Variants in C4BPB observed in about 807,000 individuals in gnomAD.
C4BPB encodes C4b-binding protein beta chain.
C4BPB carries 19 observed loss-of-function variants against 26.6 expected under a neutral mutation model. That is an observed-to-expected ratio of 0.71 (90% confidence interval 0.50 to 1.05). C4BPB has a LOEUF of 1.05. Among genes scored for constraint, C4BPB ranks in the 50% least tolerant of loss-of-function variants. The probability of loss-of-function intolerance (pLI) is 0.00; values close to 1 mark genes in which losing one functional copy is unlikely to be tolerated. For missense variants in C4BPB, 282 were observed against 302.9 expected (o/e 0.93, Z 0.51); for synonymous variants, 118 against 103.5 (o/e 1.14, Z -0.85).
chr1:207,097,763 G>A lies in C4BPB; in HGVS notation c.504-387G>A, dbSNP rs915958380. On this transcript the variant is annotated intron_variant, in intron 5 of 6. Transcript: ENST00000367078. The stretch of plus-strand genomic sequence containing the variant: ...GCAATTGCTCCTTTTTAGCCCCTTC[G>A]CTAAGATTTATTTGCAGGTGTCTCT... 8.8e-5 allele frequency: 15 copies of A among 170,380 alleles called. No individual in the cohort carries two copies. The South Asian group carries it at 1.5e-3, about 17-fold the overall frequency. The allele number at this position is 170,380 out of a possible 1,614,324, so 10.6% of individuals were successfully genotyped here. A position where few individuals can be genotyped will look rare whatever the true frequency, so the allele number is the denominator to read the frequency against.
At chr1:207,098,328 G>A in intron 6 of C4BPB, 64 bp downstream of exon 6, 1 of 997,698 alleles carries the variant, frequency 1.0e-6, no homozygotes, top group Non-Finnish European at 1.6e-6. Flanking sequence ...CATCACTCCT[G>A]GCATATGCTC....
At position 207,090,021 on chromosome 1, in the gene C4BPB, C is replaced by G. The variant is rs535079750; in HGVS notation, c.59-287C>G. Among the ~76,000 whole-genome samples the G allele has an allele frequency of 3.9e-5, 6 of 152,316 alleles. No individual in the cohort carries two copies. The South Asian group carries it at 1.2e-3, about 32-fold the overall frequency. ...GCGCAGCGGCTCAAGCCTGTAATCCCGGCACTTTGAGAGGCCGAGGTGGGC... is the reference window on the plus strand; with the variant it reads ...GCGCAGCGGCTCAAGCCTGTAATCCGGGCACTTTGAGAGGCCGAGGTGGGC... On this transcript the variant is annotated intron_variant, in intron 2 of 6. Transcript: ENST00000367078.
chr1:207,089,552 C>CTGCA lies in C4BPB; in HGVS notation c.23_24insCATG (p.Leu9MetfsTer25). The CTGCA allele has an allele frequency of 6.2e-7, 1 of 1,613,994 alleles. No homozygotes were observed. The highest frequency in any genetic ancestry group is 8.5e-7 in the Non-Finnish European group (1 of 1,179,974). On this transcript the variant is annotated frameshift_variant, in exon 2 of 7. Coordinates refer to ENST00000367078, the MANE Select transcript of C4BPB (RefSeq NM_001017365.3). LOFTEE classifies it high-confidence loss of function. ...ACCAGATGTTTTTTTGGTGTGCGTG[C>CTGCA]TGTCTTATGGTTGCGTGGCGAGTTT...
At chr1:207,098,382 T>C in intron 6 of C4BPB, 118 bp downstream of exon 6, 1 of 638,350 alleles carries the variant, frequency 1.6e-6, no homozygotes, top group East Asian at 2.8e-5. Flanking sequence ...TTTGAATGGG[T>C]TGGCCTTGGC....
chr1:207,097,928 A>G, intron 5 of C4BPB: 1 of 442,110 alleles, frequency 2.3e-6, no homozygotes, highest in Non-Finnish European at 4.1e-6. Flanking sequence ...TCTATGTTTT[A>G]TGGGTTGACT....
chr1:207,091,558 T>A, intron 3 of C4BPB, 86 bp from the exon 4 acceptor site: 1 of 1,074,058 alleles, frequency 9.3e-7, no homozygotes, highest in Non-Finnish European at 1.4e-6. Flanking sequence ...TTTGCTGTTT[T>A]CTCACTGAAG....
intron 5 of C4BPB, 128 bp downstream of exon 5, chr1:207,096,743 T>C: frequency 1.6e-6 from 1 of 615,616 alleles, no homozygotes; most frequent in East Asian, 2.9e-5. Context: ...CTCATTCTGA[T>C]TTTGAGAGCT....
chr1:207,097,957 C>G, intron 5 of C4BPB, 193 bp from the exon 6 acceptor site: 1 of 528,284 alleles, frequency 1.9e-6, no homozygotes, highest in East Asian at 3.3e-5. Flanking sequence ...GGGTCCTCTC[C>G]TACCTCCAGG....
chr1:207,095,185 G>C (rs959374461), intron 4 of C4BPB: 5 of 416,208 alleles, frequency 1.2e-5, no homozygotes, highest in Non-Finnish European at 1.9e-5. Flanking sequence ...ATAATATTAG[G>C]AAGGAAGCCA....
At chr1:207,096,828 A>G (rs1466573166) in intron 5 of C4BPB, among the ~76,000 whole-genome samples, 5 of 152,192 alleles carry the variant, frequency 3.3e-5, no homozygotes, top group African/African-American at 1.2e-4. Flanking sequence ...ACTTACCCCA[A>G]TGCAAGTATC....
chr1:207,098,283 T>C lies in C4BPB; in HGVS notation c.618+19T>C, dbSNP rs758928118. The C allele has an allele frequency of 7.1e-7, 1 of 1,412,896 alleles. No individual in the cohort carries two copies. 87.5% of individuals were successfully genotyped at this position (1,412,896 alleles called of 1,614,324 possible). On this transcript the variant is annotated intron_variant, in intron 6 of 6. Transcript: ENST00000367078. Reference sequence around the variant, plus strand: ...GGCACTTGTAAGTAGGAGGCTCATATCTGTCTTGTTCACAGCTGGATCTCC... The same window carrying C: ...GGCACTTGTAAGTAGGAGGCTCATACCTGTCTTGTTCACAGCTGGATCTCC...
At position 207,090,411 on chromosome 1, in the gene C4BPB, C is replaced by T. The variant is rs550565655; in HGVS notation, c.162C>T (p.His54=). 5.0e-6 allele frequency: 8 copies of T among 1,614,012 alleles called. No homozygotes were observed. The East Asian group carries it at 6.7e-5, about 13-fold the overall frequency. Residue 54 remains histidine, a synonymous_variant, in exon 3 of 7, where the codon CAC becomes CAT. Transcript: ENST00000367078. ...LGTYVCIKGY[H]LVGKKTLFCN... is the part of the protein sequence containing the mutation. ...CTTACGTTTGTATCAAGGGCTACCA[C>T]CTGGTAGGAAAGAAGACCCTTTTTT...
chr1:207,089,890 G>T (rs1477961177), intron 2 of C4BPB, among the ~76,000 whole-genome samples: 1 of 152,144 alleles, frequency 6.6e-6, no homozygotes, highest in Non-Finnish European at 1.5e-5. Flanking sequence ...CTCCAGGATC[G>T]CTATTTGTGT....
intron 4 of C4BPB, chr1:207,095,349 GA>G: frequency 2.2e-6 from 1 of 456,416 alleles, no homozygotes; most frequent in Non-Finnish European, 4.4e-6. Flanking sequence ...TTTTTCTTTT[GA>G]GACAGAGTCT....
intron 3 of C4BPB, 121 bp from the exon 4 acceptor site, chr1:207,091,523 T>G (rs1684024182): frequency 1.4e-6 from 1 of 713,782 alleles, no homozygotes; most frequent in Non-Finnish European, 2.4e-6. Context: ...TTCACTCAAT[T>G]AAAAATGTGC....
chr1:207,091,903 C>T (rs948798092), intron 4 of C4BPB, 83 bp downstream of exon 4: 3 of 1,189,636 alleles, frequency 2.5e-6, no homozygotes, highest in Admixed American at 3.0e-5. Flanking sequence ...CCCTGGGATG[C>T]TTTTCTCTTT....
At chr1:207,095,423 C>T (rs752337829) in intron 4 of C4BPB, 51 of 456,182 alleles carry the variant, frequency 1.1e-4, no homozygotes, top group Non-Finnish European at 2.1e-4. Context: ...CTCCACCTCC[C>T]AGGTTCAAGC....
intron 2 of C4BPB, among the ~76,000 whole-genome samples, chr1:207,089,800 G>GT (rs757768636): frequency 3.9e-5 from 6 of 152,224 alleles, no homozygotes; most frequent in African/African-American, 1.4e-4. Context: ...GGTGGTTACT[G>GT]TTTTTTTACT....
At chr1:207,098,111 A>G in intron 5 of C4BPB, 39 bp from the exon 6 acceptor site, 1 of 1,523,776 alleles carries the variant, frequency 6.6e-7, no homozygotes, top group South Asian at 1.1e-5. Flanking sequence ...CCCAATTCAG[A>G]AAGTGGAAAA....
Sources: gnomAD v4.1 joint callset for allele counts (sites outside exome capture counted in the v4.1 genomes callset) on GRCh38, gnomAD v4.1.1 for gene constraint, MANE v1.5 for transcripts, NCBI Gene and HGNC (gene_info 2026-07-23, HGNC 2026-07-21) for gene names.